The following COL4A2 variants were observed in gnomAD, a reference collection of about 807,000 sequenced individuals.
The protein encoded by COL4A2 is collagen alpha-2(IV) chain.
COL4A2 carries 99 observed loss-of-function variants against 200.2 expected under a neutral mutation model. The ratio of observed to expected loss-of-function variants is 0.49; its 90% confidence interval spans 0.42 to 0.58. The LOEUF is 0.58. COL4A2 is among the 20% of genes least tolerant of loss of function. The pLI is 0.00. For missense variants in COL4A2, 1,950 were observed against 2,314.1 expected, an observed-to-expected ratio of 0.84 and a Z score of 3.23; for synonymous variants, 897 against 900.6, an observed-to-expected ratio of 1.00 and a Z score of 0.07.
intron 28 of COL4A2, among the ~76,000 whole-genome samples, chr13:110,472,126 T>TC (rs1566553401): frequency 2.9e-5 from 4 of 140,096 alleles, no homozygotes; most frequent in Non-Finnish European, 6.2e-5. Flanking sequence ...TTTATTTTTT[T>TC]CTCTTTTGAG....
intron 27 of COL4A2, chr13:110,468,318 G>T (rs200347105): frequency 6.4e-6 from 3 of 466,598 alleles, no homozygotes; most frequent in Non-Finnish European, 1.3e-5. Context: ...ACCTGCCCCC[G>T]GTCTAATTCC....
chr13:110,317,004 TCACA>T (rs752284585), intron 3 of COL4A2, among the ~76,000 whole-genome samples: 1 of 151,670 alleles, frequency 6.6e-6, no homozygotes, highest in Non-Finnish European at 1.5e-5. Context: ...CACCCTGTAC[TCACA>T]CACACACAGA....
At chr13:110,419,090 C>T (rs2139448008) in intron 4 of COL4A2, among the ~76,000 whole-genome samples, 1 of 152,290 alleles carries the variant, frequency 6.6e-6, no homozygotes, top group Middle Eastern at 3.4e-3. Context: ...GGAATTGCAG[C>T]CTTGGACAGG....
Position 110,332,642 on chromosome 13 carries a change from G to A in COL4A2, c.99+24519G>A, listed in dbSNP as rs150057854. Among the ~76,000 whole-genome samples the A allele has an allele frequency of 7.9e-4, 120 of 152,256 alleles. 1 individual carries two copies. Among genetic ancestry groups the A allele is most frequent in the South Asian group, 1.2e-3 (6 of 4,814 alleles). On this transcript the variant is annotated intron_variant, in intron 3 of 47. Coordinates refer to ENST00000360467, the MANE Select transcript of COL4A2 (RefSeq NM_001846.4). ...AGATAGAGAGAAACGTTGGGCCCAC[G>A]GAAATATGAATTCATCCAGATTTCT...
At chr13:110,387,940 T>A (rs1878826725) in intron 4 of COL4A2, among the ~76,000 whole-genome samples, 1 of 152,184 alleles carries the variant, frequency 6.6e-6, no homozygotes, top group South Asian at 2.1e-4. Flanking sequence ...TGAGGGTGTG[T>A]TTTCCCTCCT....
chr13:110,393,041 G>A (rs749711635), intron 4 of COL4A2, among the ~76,000 whole-genome samples: 40 of 152,316 alleles, frequency 2.6e-4, no homozygotes, highest in Non-Finnish European at 4.1e-4. Context: ...GAACAGCTGC[G>A]AAGTATTGTT....
At chr13:110,434,183 A>G (rs1480740820) in intron 11 of COL4A2, among the ~76,000 whole-genome samples, 1 of 152,194 alleles carries the variant, frequency 6.6e-6, no homozygotes, top group Non-Finnish European at 1.5e-5. Flanking sequence ...CCTGGGGTCC[A>G]ATCTCAGCTC....
At chr13:110,316,231 A>C (rs911731168) in intron 3 of COL4A2, among the ~76,000 whole-genome samples, 1 of 152,164 alleles carries the variant, frequency 6.6e-6, no homozygotes, top group African/African-American at 2.4e-5. Flanking sequence ...ATATTTTTCC[A>C]CATGTTGAGT....
intron 28 of COL4A2, among the ~76,000 whole-genome samples, chr13:110,470,270 A>G (rs1594092207): frequency 6.6e-6 from 1 of 152,262 alleles, no homozygotes; most frequent in African/African-American, 2.4e-5. Context: ...ATTGTGGACA[A>G]CTTTCCACCC....
rs1049669516 is a variant in COL4A2 at position 110,467,317 on chromosome 13, G to A, written c.2095+221G>A. Among the ~76,000 whole-genome samples, 49 of 152,254 alleles carry A rather than the reference G, an allele frequency of 3.2e-4. 1 individual carries two copies. The highest frequency in any genetic ancestry group is 1.1e-3 in the African/African-American group (45 of 41,460). On this transcript the variant is annotated intron_variant, in intron 27 of 47. Coordinates refer to ENST00000360467, the MANE Select transcript of COL4A2 (RefSeq NM_001846.4). ...GTAGCTGACACTTAGTTGGGGCCAG[G>A]CTAGAAGAGAAAATTCAGCCATGGC... is the stretch of plus-strand genomic sequence containing the variant.
At chr13:110,430,072 T>A in intron 8 of COL4A2, 116 bp downstream of exon 8, 2 of 1,042,788 alleles carry the variant, frequency 1.9e-6, no homozygotes, top group South Asian at 1.9e-5. Flanking sequence ...AAGGCATGCC[T>A]AGAATGGCGG....
At position 110,485,722 on chromosome 13, in the gene COL4A2, C is replaced by T. The variant is rs1883097414; in HGVS notation, c.3093C>T (p.His1031=). 6.2e-7 allele frequency: 1 copy of T among 1,613,798 alleles called. No homozygotes were observed. The highest frequency in any genetic ancestry group is 8.5e-7 in the Non-Finnish European group (1 of 1,179,918). The change falls in exon 34 of 48, where the codon CAC becomes CAT. Residue 1031 remains histidine (H), a synonymous_variant. Coordinates refer to ENST00000360467, the MANE Select transcript of COL4A2 (RefSeq NM_001846.4). The part of the protein sequence containing the change: ...GIPGLPGRPG[H]IKGVKGDIGV... ...CTGGGCTGCCTGGGAGGCCCGGCCA[C>T]ATCAAAGGAGTCAAGGGAGACATCG...
At chr13:110,509,270 T>TACACACACACACACACACACACAC (rs60333796) in intron 47 of COL4A2, among the ~76,000 whole-genome samples, 1 of 115,600 alleles carries the variant, frequency 8.7e-6, no homozygotes, top group African/African-American at 3.5e-5. Flanking sequence ...TATATATATA[T>TACACACACACACACACACACACAC]ACACACACAC....
At chr13:110,439,941 A>T in intron 16 of COL4A2, 108 bp downstream of exon 16, 1 of 1,483,344 alleles carries the variant, frequency 6.7e-7, no homozygotes, top group South Asian at 1.3e-5. Flanking sequence ...CCAGAAAAAA[A>T]CATTGAAAAT....
intron 4 of COL4A2, among the ~76,000 whole-genome samples, chr13:110,386,271 C>G (rs77094625): frequency 6.6e-6 from 1 of 151,530 alleles, no homozygotes; most frequent in South Asian, 2.1e-4. Flanking sequence ...CTGACTGCAC[C>G]GAGCAACCTT....
intron 25 of COL4A2, 44 bp from the exon 26 acceptor site, chr13:110,465,959 C>T: frequency 1.9e-6 from 3 of 1,602,374 alleles, no homozygotes; most frequent in Non-Finnish European, 2.6e-6. Flanking sequence ...TAACTCTTAT[C>T]TGTTTCAAAA....
chr13:110,386,471 A>G (rs1392826243), intron 4 of COL4A2, among the ~76,000 whole-genome samples: 1 of 152,164 alleles, frequency 6.6e-6, no homozygotes, highest in Non-Finnish European at 1.5e-5. Context: ...TAGCCATGCA[A>G]TTGGGTGTAT....
intron 4 of COL4A2, among the ~76,000 whole-genome samples, chr13:110,365,993 A>G (rs1290226991): frequency 6.6e-6 from 1 of 152,206 alleles, no homozygotes; most frequent in Non-Finnish European, 1.5e-5. Flanking sequence ...GATAAACTAG[A>G]GCAAAAGGAA....
At chr13:110,327,461 T>A (rs1320258979) in intron 3 of COL4A2, among the ~76,000 whole-genome samples, 1 of 152,220 alleles carries the variant, frequency 6.6e-6, no homozygotes, top group East Asian at 1.9e-4. Context: ...TCCCAGCAGG[T>A]CAGTCTCAGA....
Sources: allele counts gnomAD v4.1 joint callset (sites outside exome capture counted in the v4.1 genomes callset), GRCh38; gene constraint gnomAD v4.1.1; transcripts MANE v1.5; gene names NCBI Gene and HGNC (gene_info 2026-07-23, HGNC 2026-07-21).